ZNF766: variants seen among roughly 807,000 people sequenced by gnomAD.
The protein encoded by ZNF766 is zinc finger protein 766.
A neutral mutation model predicts 13.2 loss-of-function variants in ZNF766; 13 were observed. The ratio of observed to expected loss-of-function variants is 0.98; its 90% confidence interval spans 0.64 to 1.56. ZNF766 has a LOEUF of 1.56. ZNF766 is among the 40% of genes most tolerant of loss of function. ZNF766 has a pLI of 0.00. For synonymous variants in ZNF766, 178 were observed against 187.6 expected (o/e 0.95, Z 0.42); for missense variants, 521 against 552.2 (o/e 0.94, Z 0.57).
chr19:52,290,412 A>G lies in ZNF766; in HGVS notation c.621A>G (p.Val207=), dbSNP rs1468706970. ...CTTCAAGCCTTCCTAATCATCAAGT[A>G]ATCCACACTGCAGATAAACCTAACA... The part of the protein sequence containing the change: ...RVSSSLPNHQ[V]IHTADKPNRC... The change falls in exon 4 of 4, where the codon GTA becomes GTG. Residue 207 remains valine, a synonymous_variant. Coordinates refer to ENST00000439461, the MANE Select transcript of ZNF766 (RefSeq NM_001010851.3). 6.2e-7 allele frequency: 1 copy of G among 1,613,950 alleles called. No individual in the cohort carries two copies. Among genetic ancestry groups the G allele is most frequent in the Admixed American group, 1.7e-5 (1 of 60,024 alleles).
intron 1 of ZNF766, 80 bp downstream of exon 1, chr19:52,269,711 C>A: frequency 1.3e-6 from 2 of 1,563,932 alleles, no homozygotes; most frequent in Non-Finnish European, 8.7e-7. Context: ...GGGGGCGGTA[C>A]AGACCTTGAA....
chr19:52,278,577 T>C (rs1256777702), intron 1 of ZNF766, among the ~76,000 whole-genome samples: 1 of 152,144 alleles, frequency 6.6e-6, no homozygotes, highest in Non-Finnish European at 1.5e-5. Flanking sequence ...CTAATTGTTG[T>C]ATTTTCAGTA....
At position 52,292,381 on chromosome 19, in the gene ZNF766, T is replaced by C. The variant is rs1384897397; in HGVS notation, c.*1183T>C. ...CCTGACAGGCACAGTGCTGCTGTGC[T>C]CTACAAATGACCATGAAATAGAGCA... On this transcript the variant is annotated 3_prime_UTR_variant, in exon 4 of 4. Coordinates refer to ENST00000439461, the MANE Select transcript of ZNF766 (RefSeq NM_001010851.3). 4.6e-5 allele frequency: 25 copies of C among 547,706 alleles called. No homozygotes were observed. The South Asian group carries it at 6.3e-4, about 14-fold the overall frequency. 33.9% of individuals were successfully genotyped at this position (547,706 alleles called of 1,614,324 possible).
At chr19:52,285,418 A>G (rs1233143208) in intron 3 of ZNF766, among the ~76,000 whole-genome samples, 1 of 152,166 alleles carries the variant, frequency 6.6e-6, no homozygotes, top group African/African-American at 2.4e-5. Flanking sequence ...CTTCTGACCA[A>G]CTGGCTTCCA....
intron 3 of ZNF766, among the ~76,000 whole-genome samples, chr19:52,287,622 G>C (rs1347490053): frequency 6.6e-6 from 1 of 152,188 alleles, no homozygotes; most frequent in Admixed American, 6.5e-5. Context: ...TGCTGTTTTA[G>C]TTGGTAGGTA....
Position 52,271,545 on chromosome 19 carries a change from TG to T in ZNF766, c.18+1915del, listed in dbSNP as rs573949073. On this transcript the variant is annotated intron_variant, in intron 1 of 3. Transcript: ENST00000439461. ...GCTGACCCTGCGATTGTGCACCAGG[TG>T]CCAGCCCTACTCACAGTCTCAGGAC... Among the ~76,000 whole-genome samples, 8 of 152,288 alleles carry T rather than the reference TG, an allele frequency of 5.3e-5. 1 individual carries two copies. The South Asian group carries it at 1.7e-3, about 32-fold the overall frequency.
In ZNF766 at chr19:52,294,948, TATATA is replaced by T. The variant is rs1982287204; in HGVS notation, c.*3755_*3759del. 1.3e-5 allele frequency: 2 copies of T among 150,992 alleles called. No individual in the cohort carries two copies. Among genetic ancestry groups the T allele is most frequent in the African/African-American group, 4.8e-5 (2 of 41,340 alleles). 9.4% of individuals were successfully genotyped at this position (150,992 alleles called of 1,614,324 possible). A position where few individuals can be genotyped will look rare whatever the true frequency, so the allele number is the denominator to read the frequency against. ...TGGGTTTATAATAAATATAATGTAT[TATATA>T]ATATGATTAAAATATATTTGTTATA... is the stretch of plus-strand genomic sequence containing the variant. On this transcript the variant is annotated 3_prime_UTR_variant, in exon 4 of 4. Transcript: ENST00000439461.
chr19:52,287,551 A>G (rs752406692), intron 3 of ZNF766, among the ~76,000 whole-genome samples: 2 of 152,184 alleles, frequency 1.3e-5, no homozygotes, highest in African/African-American at 4.8e-5. Context: ...GATTTTGAGG[A>G]TTGGTGTTAA....
rs1444482847 is a variant in ZNF766 at position 52,275,898 on chromosome 19, C to A, written c.19-6213C>A. Among the ~76,000 whole-genome samples the A allele has an allele frequency of 3.9e-5, 6 of 152,292 alleles. 1 individual carries two copies. The South Asian group carries it at 1.0e-3, about 26-fold the overall frequency. ...GTTTCCCCATGTTAGCCAGGCTGGT[C>A]TCGAACTCCTGACCTCAGATGATCC... On this transcript the variant is annotated intron_variant, in intron 1 of 3. Coordinates refer to ENST00000439461, the MANE Select transcript of ZNF766 (RefSeq NM_001010851.3).
At chr19:52,278,364 C>T (rs904302205) in intron 1 of ZNF766, among the ~76,000 whole-genome samples, 1 of 152,054 alleles carries the variant, frequency 6.6e-6, no homozygotes, top group East Asian at 1.9e-4. Flanking sequence ...ACATGTATGT[C>T]TACTTTTGAG....
At chr19:52,273,080 C>T (rs1470029591) in intron 1 of ZNF766, among the ~76,000 whole-genome samples, 1 of 152,094 alleles carries the variant, frequency 6.6e-6, no homozygotes, top group African/African-American at 2.4e-5. Flanking sequence ...GTGATCTTGG[C>T]TCACCATAAC....
chr19:52,290,135 A>C lies in ZNF766; in HGVS notation c.344A>C (p.Gln115Pro), dbSNP rs201649981. 4.4e-4 allele frequency: 703 copies of C among 1,614,172 alleles called. 5 individuals carry two copies. In the Middle Eastern group the frequency reaches 4.9e-3, roughly 11 times the overall value. Residue 115 changes from glutamine to proline, a missense_variant, in exon 4 of 4, where the codon CAG (glutamine) becomes CCG (proline). Coordinates refer to ENST00000439461, the MANE Select transcript of ZNF766 (RefSeq NM_001010851.3). ...ACAAATCAACTTGGATTAACCTTTC[A>C]GTTACCTCTGCCAGAACTGGAGATA... The part of the protein sequence containing the change: ...PITNQLGLTF[Q>P]LPLPELEIFQ...
intron 1 of ZNF766, chr19:52,277,598 G>T (rs1486235946): frequency 1.3e-6 from 2 of 1,519,228 alleles, no homozygotes; most frequent in Non-Finnish European, 1.8e-6. Context: ...GAAATGCCGG[G>T]TGCTGGAGTT....
At chr19:52,286,122 C>T (rs1411718790) in intron 3 of ZNF766, among the ~76,000 whole-genome samples, 1 of 149,540 alleles carries the variant, frequency 6.7e-6, no homozygotes, top group Non-Finnish European at 1.5e-5. Flanking sequence ...TCAAGAAAGA[C>T]CTGGATCCCG....
chr19:52,274,848 G>T (rs1981123697), intron 1 of ZNF766, among the ~76,000 whole-genome samples: 1 of 152,026 alleles, frequency 6.6e-6, no homozygotes, highest in Admixed American at 6.6e-5. Context: ...GAGCCAATAG[G>T]AAACTGAAGG....
rs750676462 is a variant in ZNF766, at chr19:52,290,184, T to A, written c.393T>A (p.Tyr131Ter). 2.4e-5 allele frequency: 38 copies of A among 1,613,958 alleles called. No individual in the cohort carries two copies. Among genetic ancestry groups the A allele is most frequent in the Non-Finnish European group, 3.1e-5 (36 of 1,179,914 alleles). Residue 131 changes from tyrosine to a stop codon, truncating the protein, a stop_gained, in exon 4 of 4, where the codon TAT becomes TAA. Coordinates refer to ENST00000439461, the MANE Select transcript of ZNF766 (RefSeq NM_001010851.3). LOFTEE classifies it low-confidence loss of function (END_TRUNC). ...TATTTCAAGGTGAAGGGAAGATTTATGAATGTAATCAAGTTCAAAAGTTCA... is the reference window on the plus strand; with the variant it reads ...TATTTCAAGGTGAAGGGAAGATTTAAGAATGTAATCAAGTTCAAAAGTTCA... ...LEIFQGEGKI[Y>*]ECNQVQKFIS... is the part of the protein sequence containing the mutation.
intron 1 of ZNF766, chr19:52,277,390 C>T (rs1361786270): frequency 1.5e-5 from 19 of 1,263,022 alleles, no homozygotes; most frequent in South Asian, 2.7e-5. Flanking sequence ...ACCCGGGAGG[C>T]GGAGCTTGCA....
chr19:52,289,405 C>G (rs956700920), intron 3 of ZNF766, among the ~76,000 whole-genome samples: 6 of 151,296 alleles, frequency 4.0e-5, no homozygotes, highest in Admixed American at 3.3e-4. Flanking sequence ...GCCCACCTCG[C>G]CCTCCCAAAG....
Position 52,290,417 on chromosome 19 carries a change from A to G in ZNF766, c.626A>G (p.His209Arg), listed in dbSNP as rs377601598. Residue 209 changes from histidine (H) to arginine (R), a missense_variant, in exon 4 of 4, where the codon CAC becomes CGC. Transcript: ENST00000439461. ...SSSLPNHQVIHTADKPNRCHE... is the reference protein window; with the variant it reads ...SSSLPNHQVIRTADKPNRCHE... ...AGCCTTCCTAATCATCAAGTAATCC[A>G]CACTGCAGATAAACCTAACAGATGT... is the stretch of plus-strand genomic sequence containing the variant. 20 of 1,613,944 alleles carry G rather than the reference A, an allele frequency of 1.2e-5. No homozygotes were observed. In the African/African-American group the frequency reaches 2.5e-4, roughly 20 times the overall value.
Sources: gnomAD v4.1 joint callset for allele counts (sites outside exome capture counted in the v4.1 genomes callset) on GRCh38, gnomAD v4.1.1 for gene constraint, MANE v1.5 for transcripts, NCBI Gene and HGNC (gene_info 2026-07-23, HGNC 2026-07-21) for gene names.